SLAIN2: variants seen among roughly 807,000 people sequenced by gnomAD.
SLAIN2 encodes the protein SLAIN family member 2, also known as SLAIN motif-containing protein 2.
SLAIN2 carries 31 observed loss-of-function variants against 56.6 expected under a neutral mutation model. The ratio of observed to expected loss-of-function variants is 0.55; its 90% CI spans 0.41 to 0.74. The LOEUF is 0.74. Ranked by LOEUF, SLAIN2 falls within the 30% of genes least tolerant of loss-of-function variation. The pLI is 0.00. For missense variants in SLAIN2, 777 were observed against 754.2 expected (o/e 1.03, Z -0.35); for synonymous variants, 317 against 284.9 (o/e 1.11, Z -1.13).
intron 1 of SLAIN2, among the ~76,000 whole-genome samples, chr4:48,348,183 A>G (rs534644378): frequency 6.6e-6 from 1 of 152,228 alleles, no homozygotes; most frequent in East Asian, 1.9e-4. Flanking sequence ...AATTAGAGGC[A>G]GGCAAATTTT....
chr4:48,381,191 A>G (rs1715962138), intron 4 of SLAIN2, among the ~76,000 whole-genome samples: 3 of 152,296 alleles, frequency 2.0e-5, no homozygotes, highest in South Asian at 2.1e-4. Flanking sequence ...TTAGAAGCTC[A>G]ACCAGCTCTT....
At chr4:48,369,372 A>C (rs948971557) in intron 1 of SLAIN2, among the ~76,000 whole-genome samples, 28 of 152,196 alleles carry the variant, frequency 1.8e-4, no homozygotes, top group African/African-American at 6.5e-4. Flanking sequence ...CTTTTCTCCA[A>C]CACATTGTCG....
chr4:48,361,526 A>G (rs762840697), intron 1 of SLAIN2, among the ~76,000 whole-genome samples: 3 of 152,242 alleles, frequency 2.0e-5, no homozygotes, highest in Non-Finnish European at 2.9e-5. Context: ...GCAAAAGAAT[A>G]CTAATAAAGT....
intron 3 of SLAIN2, among the ~76,000 whole-genome samples, chr4:48,378,478 G>C (rs561267153): frequency 6.6e-6 from 1 of 152,322 alleles, no homozygotes; most frequent in South Asian, 2.1e-4. Context: ...CCAGCAGAGT[G>C]AGGGGGCAGT....
At chr4:48,345,712 G>A (rs988670924) in intron 1 of SLAIN2, among the ~76,000 whole-genome samples, 6 of 151,096 alleles carry the variant, frequency 4.0e-5, no homozygotes, top group African/African-American at 9.7e-5. Context: ...TAAATATAAG[G>A]CTTTTAAATT....
At chr4:48,385,868 T>C (rs1716085555) in intron 6 of SLAIN2, among the ~76,000 whole-genome samples, 1 of 151,970 alleles carries the variant, frequency 6.6e-6, no homozygotes, top group Non-Finnish European at 1.5e-5. Flanking sequence ...TGTTACTTAG[T>C]GGCTCAAAAA....
At chr4:48,418,849 A>G (rs1717068135) in intron 6 of SLAIN2, among the ~76,000 whole-genome samples, 1 of 138,070 alleles carries the variant, frequency 7.2e-6, no homozygotes. Flanking sequence ...ACAACATTCT[A>G]CAGTGTGTGT....
chr4:48,387,991 T>C (rs1716142145), intron 6 of SLAIN2, among the ~76,000 whole-genome samples: 1 of 152,168 alleles, frequency 6.6e-6, no homozygotes, highest in African/African-American at 2.4e-5. Flanking sequence ...TTTTCAGCTC[T>C]TAAGTGGTAA....
intron 1 of SLAIN2, 114 bp downstream of exon 1, chr4:48,342,242 C>T (rs1714731696): frequency 1.6e-6 from 2 of 1,244,966 alleles, no homozygotes; most frequent in Non-Finnish European, 2.1e-6. Flanking sequence ...GTCCGCTCTC[C>T]TGTGGCGACT....
chr4:48,420,321 C>T lies in SLAIN2; in HGVS notation c.1557C>T (p.Asn519=), dbSNP rs1360810645. Residue 519 remains asparagine (N), a synonymous_variant, in exon 7 of 8, where the codon AAC becomes AAT. Transcript: ENST00000264313. ...TVSANPPSNI[N]SATLTRPAGT... ...CAGCAAATCCTCCCAGCAATATCAACAGCGCTACTCTAACCAGACCTGCAG... is the reference window on the plus strand; with the variant it reads ...CAGCAAATCCTCCCAGCAATATCAATAGCGCTACTCTAACCAGACCTGCAG... The T allele has an allele frequency of 6.2e-7, 1 of 1,613,864 alleles. No homozygotes were observed. The highest frequency in any genetic ancestry group is 1.7e-5 in the Admixed American group (1 of 59,990).
chr4:48,408,516 C>T (rs1716762151), intron 6 of SLAIN2, among the ~76,000 whole-genome samples: 1 of 100,774 alleles, frequency 9.9e-6, no homozygotes, highest in Non-Finnish European at 1.9e-5. Flanking sequence ...GTGTGTGTTT[C>T]TGTCCGTTTT....
chr4:48,407,365 G>A (rs186712139), intron 6 of SLAIN2, among the ~76,000 whole-genome samples: 5 of 151,886 alleles, frequency 3.3e-5, no homozygotes, highest in African/African-American at 9.7e-5. Context: ...CTATTCTTTC[G>A]TATCTTGTAG....
chr4:48,351,406 A>G (rs1006200578), intron 1 of SLAIN2, among the ~76,000 whole-genome samples: 1 of 152,202 alleles, frequency 6.6e-6, no homozygotes, highest in African/African-American at 2.4e-5. Context: ...ATATCTTTTG[A>G]GTGGGCCTGC....
intron 7 of SLAIN2, 109 bp from the exon 8 acceptor site, chr4:48,421,888 TTGGTACGGCCTTCA>T: frequency 1.3e-6 from 1 of 744,600 alleles, no homozygotes; most frequent in South Asian, 1.7e-5. Context: ...AGCTTAGGAC[TTGGTACGGCCTTCA>T]TGGGATCGTG....
chr4:48,368,912 T>C (rs898001610), intron 1 of SLAIN2, among the ~76,000 whole-genome samples: 1 of 152,236 alleles, frequency 6.6e-6, no homozygotes, highest in Non-Finnish European at 1.5e-5. Context: ...AGTTTGTCTA[T>C]TGTAGTTCTG....
At chr4:48,413,586 A>G (rs1038737029) in intron 6 of SLAIN2, among the ~76,000 whole-genome samples, 6 of 152,206 alleles carry the variant, frequency 3.9e-5, no homozygotes, top group African/African-American at 1.2e-4. Flanking sequence ...AATAATTGAA[A>G]TGATATGACA....
At chr4:48,413,603 T>C (rs1158752666) in intron 6 of SLAIN2, among the ~76,000 whole-genome samples, 3 of 152,222 alleles carry the variant, frequency 2.0e-5, no homozygotes, top group Non-Finnish European at 1.5e-5. Context: ...GACAGTATAG[T>C]AAGGGATCGT....
At chr4:48,342,192 G>A (rs2109726864) in intron 1 of SLAIN2, 64 bp downstream of exon 1, 1 of 1,328,460 alleles carries the variant, frequency 7.5e-7, no homozygotes, top group Admixed American at 4.1e-5. Context: ...AGCGTCCTCT[G>A]AGGGTCCCTC....
At chr4:48,413,409 G>A (rs1716916829) in intron 6 of SLAIN2, among the ~76,000 whole-genome samples, 2 of 152,186 alleles carry the variant, frequency 1.3e-5, no homozygotes, top group Admixed American at 1.3e-4. Flanking sequence ...CATGAAGTGA[G>A]AGGGTTAGAG....
Sources: allele counts gnomAD v4.1 joint callset (sites outside exome capture counted in the v4.1 genomes callset), GRCh38; gene constraint gnomAD v4.1.1; transcripts MANE v1.5; gene names NCBI Gene and HGNC (gene_info 2026-07-23, HGNC 2026-07-21).